DNAH12: variants seen among roughly 807,000 people sequenced by gnomAD.
DNAH12 encodes axonemal beta dynein heavy chain 12.
In DNAH12, 285 loss-of-function variants were observed where a neutral mutation model predicts 371.5. That is an observed-to-expected ratio of 0.77 (90% CI 0.70 to 0.85). DNAH12 has a LOEUF of 0.85. DNAH12 is among the 40% of genes least tolerant of loss of function. The probability of loss-of-function intolerance (pLI) is 0.00; values close to 1 mark genes in which losing one functional copy is unlikely to be tolerated. For missense variants in DNAH12, 3,611 were observed against 3,689.4 expected (o/e 0.98, Z 0.55); for synonymous variants, 1,200 against 1,213.0 (o/e 0.99, Z 0.22).
intron 60 of DNAH12, among the ~76,000 whole-genome samples, chr3:57,343,626 A>G (rs1553656978): frequency 6.6e-6 from 1 of 152,184 alleles, no homozygotes; most frequent in East Asian, 1.9e-4. Context: ...CCCCAGCCCG[A>G]CACCTGTAAA....
intron 61 of DNAH12, 24 bp downstream of exon 61, chr3:57,334,758 A>C (rs988685600): frequency 1.8e-5 from 28 of 1,532,510 alleles, no homozygotes; most frequent in Non-Finnish European, 2.5e-5. Context: ...ATTCAATGAT[A>C]AATCATCGAA....
intron 55 of DNAH12, among the ~76,000 whole-genome samples, chr3:57,371,590 G>T (rs2063170392): frequency 6.6e-6 from 1 of 151,700 alleles, no homozygotes; most frequent in East Asian, 1.9e-4. Context: ...GAGCCCAGGA[G>T]GTCAAGGCTG....
chr3:57,430,629 C>T (rs2064927523), intron 32 of DNAH12, among the ~76,000 whole-genome samples: 1 of 152,158 alleles, frequency 6.6e-6, no homozygotes, highest in African/African-American at 2.4e-5. Flanking sequence ...ATCTCTTTGG[C>T]TTGCAGCTAT....
At position 57,308,052 on chromosome 3, in the gene DNAH12, T is replaced by C. The variant is rs537680083; in HGVS notation, c.11189+1099A>G. ...CAGGGATTATTCAGGCCCCCTCCCT[T>C]CCCTACACATCAAGCTCAGGGATTT... On this transcript the variant is annotated intron_variant, in intron 69 of 73. Transcript: ENST00000495027. 6.6e-5 allele frequency among the ~76,000 whole-genome samples: 10 copies of C among 152,218 alleles called. No homozygotes were observed. The East Asian group carries it at 1.9e-3, about 29-fold the overall frequency.
chr3:57,367,640 A>G (rs2153333724), intron 56 of DNAH12, among the ~76,000 whole-genome samples: 1 of 152,122 alleles, frequency 6.6e-6, no homozygotes, highest in East Asian at 1.9e-4. Flanking sequence ...CACCATCACT[A>G]TTCATGGTGG....
At chr3:57,296,478 ACTT>A (rs1330647206) in intron 71 of DNAH12, 43 bp from the exon 72 acceptor site, 15 of 1,409,738 alleles carry the variant, frequency 1.1e-5, no homozygotes, top group Non-Finnish European at 1.5e-5. Flanking sequence ...TCTCCAGACA[ACTT>A]CATCTCATAA....
At chr3:57,429,611 A>G (rs980101894) in intron 33 of DNAH12, 80 bp downstream of exon 33, 9 of 1,321,136 alleles carry the variant, frequency 6.8e-6, no homozygotes, top group Non-Finnish European at 9.3e-6. Context: ...ATTTTCTGAC[A>G]TATAATAAAA....
At position 57,444,772 on chromosome 3, in the gene DNAH12, T is replaced by G; in HGVS notation, c.4470A>C (p.Ser1490=). 6.5e-7 allele frequency: 1 copy of G among 1,547,754 alleles called. No homozygotes were observed. The highest frequency in any genetic ancestry group is 8.7e-7 in the Non-Finnish European group (1 of 1,145,762). Residue 1490 remains serine (S), a synonymous_variant, in exon 29 of 74, where the codon TCA becomes TCC. Coordinates refer to ENST00000495027, the MANE Select transcript of DNAH12 (RefSeq NM_001366028.2). The part of the protein sequence containing the change: ...IKDVNEPKFL[S]HDIPLFNGIT... ...TTCCATTAAATAAAGGTATATCATG[T>G]GATAAAAACTTTGGTTCATTTACAT...
chr3:57,329,652 T>G (rs1443463184), intron 62 of DNAH12, among the ~76,000 whole-genome samples: 30 of 146,948 alleles, frequency 2.0e-4, no homozygotes, highest in Admixed American at 5.5e-4. Flanking sequence ...ATAGGCATGG[T>G]CAAGGACTTC....
intron 11 of DNAH12, chr3:57,498,103 A>G (rs1485663646): frequency 6.1e-6 from 1 of 163,578 alleles, no homozygotes; most frequent in African/African-American, 2.4e-5. Context: ...GTCATCAGGG[A>G]AATGCAAATT....
chr3:57,318,799 C>A (rs915976984), intron 65 of DNAH12, among the ~76,000 whole-genome samples: 4 of 151,626 alleles, frequency 2.6e-5, no homozygotes, highest in Admixed American at 6.6e-5. Flanking sequence ...ATTTTGAAAT[C>A]AGGAAGTAGC....
the DNAH12 span, among the ~76,000 whole-genome samples, chr3:57,554,606 C>T: frequency 6.6e-6 from 1 of 152,004 alleles, no homozygotes; most frequent in Admixed American, 6.6e-5. Flanking sequence ...TTCATTCGTT[C>T]TTCAAGACCT....
At position 57,462,822 on chromosome 3, in the gene DNAH12, G is replaced by A. The variant is rs2066095485; in HGVS notation, c.2403C>T (p.His801=). The change falls in exon 18 of 74, where the codon CAC becomes CAT. Residue 801 remains histidine (H), a synonymous_variant. Coordinates refer to ENST00000495027, the MANE Select transcript of DNAH12 (RefSeq NM_001366028.2). ...CTACAATTTCTGATATCTGTTTCCA[G>A]TGACGAGCTCTCATTCCTGGATTGC... ...ILCNPGMRAR[H]WKQISEIVGY... 4 of 1,551,468 alleles carry A rather than the reference G, an allele frequency of 2.6e-6. No individual in the cohort carries two copies. Among genetic ancestry groups the A allele is most frequent in the Non-Finnish European group, 2.6e-6 (3 of 1,146,944 alleles).
Position 57,408,502 on chromosome 3 carries a change from C to T in DNAH12, c.6054G>A (p.Leu2018=), listed in dbSNP as rs782116074. The change falls in exon 40 of 74, where the codon CTG becomes CTA. Residue 2018 remains leucine (L), a synonymous_variant. Transcript: ENST00000495027. Reference sequence around the variant, plus strand: ...TTGCAGCAATCAGCTCTATGTCCACCAGCGTGATTTTACTTGTGTCCTTAA... The same window carrying T: ...TTGCAGCAATCAGCTCTATGTCCACTAGCGTGATTTTACTTGTGTCCTTAA... ...YDLKDTSKIT[L]VDIELIAAMG... is the part of the protein sequence containing the mutation. The T allele has an allele frequency of 1.9e-5, 30 of 1,549,308 alleles. No homozygotes were observed. The South Asian group carries it at 3.2e-4, about 17-fold the overall frequency.
chr3:57,372,024 A>C (rs949353034), intron 55 of DNAH12, among the ~76,000 whole-genome samples: 10 of 147,746 alleles, frequency 6.8e-5, no homozygotes, highest in African/African-American at 2.2e-4. Flanking sequence ...TAGATACAGA[A>C]ATATAGTTAA....
At chr3:57,383,760 A>T (rs1310316060) in intron 49 of DNAH12, among the ~76,000 whole-genome samples, 44,118 of 102,776 alleles carry the variant, frequency 0.43, 7,797 homozygotes, top group Non-Finnish European at 0.5. Context: ...ACCCTGTCTT[A>T]AAAAAAAAAA....
chr3:57,371,876 A>C (rs1283802955), intron 55 of DNAH12, among the ~76,000 whole-genome samples: 1 of 150,190 alleles, frequency 6.7e-6, no homozygotes, highest in African/African-American at 2.5e-5. Flanking sequence ...GAAAGAAAAA[A>C]CAAAAAGCCC....
chr3:57,505,503 C>T (rs562071969), intron 8 of DNAH12, among the ~76,000 whole-genome samples: 12 of 152,006 alleles, frequency 7.9e-5, no homozygotes, highest in East Asian at 1.9e-4. Flanking sequence ...TGCAATGGCA[C>T]GATCTTGACT....
At chr3:57,396,638 C>T (rs958910626) in intron 43 of DNAH12, among the ~76,000 whole-genome samples, 2 of 151,708 alleles carry the variant, frequency 1.3e-5, no homozygotes, top group Non-Finnish European at 2.9e-5. Context: ...CTCAGCCTCC[C>T]AAGTATCTGA....
Sources: gnomAD v4.1 joint callset for allele counts (sites outside exome capture counted in the v4.1 genomes callset) on GRCh38, gnomAD v4.1.1 for gene constraint, MANE v1.5 for transcripts, NCBI Gene and HGNC (gene_info 2026-07-23, HGNC 2026-07-21) for gene names.